Variants in NRXN3 observed in about 807,000 individuals in gnomAD.
The protein encoded by NRXN3 is neurexin III.
NRXN3 carries 32 observed loss-of-function variants against 137.6 expected under a neutral mutation model. The observed-to-expected ratio is 0.23, with a 90% CI of 0.18 to 0.31. The LOEUF is 0.31. NRXN3 is among the 10% of genes least tolerant of loss of function. The probability of loss-of-function intolerance (pLI) is 1.00; values close to 1 mark genes in which losing one functional copy is unlikely to be tolerated. For missense variants in NRXN3, 1,574 were observed against 2,062.5 expected, an observed-to-expected ratio of 0.76 and a Z score of 4.59; for synonymous variants, 798 against 784.5, an observed-to-expected ratio of 1.02 and a Z score of -0.29.
chr14:79,597,249 T>C (rs2097867304), intron 16 of NRXN3, among the ~76,000 whole-genome samples: 1 of 152,212 alleles, frequency 6.6e-6, no homozygotes, highest in Admixed American at 6.5e-5. Context: ...AAATTATTTT[T>C]CAGCCTTCTC....
chr14:79,859,631 A>T (rs918762468), intron 20 of NRXN3, among the ~76,000 whole-genome samples: 2 of 152,134 alleles, frequency 1.3e-5, no homozygotes, highest in Admixed American at 6.5e-5. Context: ...TTTGTTACTG[A>T]TGAGGTGGGT....
At chr14:78,271,942 C>T (rs1208334724) in intron 2 of NRXN3, among the ~76,000 whole-genome samples, 1 of 152,186 alleles carries the variant, frequency 6.6e-6, no homozygotes, top group Non-Finnish European at 1.5e-5. Flanking sequence ...AGGAAACAAC[C>T]TCCTCACTGC....
chr14:79,710,094 T>C (rs1006800495), intron 19 of NRXN3, among the ~76,000 whole-genome samples: 1 of 152,182 alleles, frequency 6.6e-6, no homozygotes, highest in Non-Finnish European at 1.5e-5. Flanking sequence ...ATTGTTGCTG[T>C]TGTTTTCCAT....
chr14:78,763,100 T>G (rs979111779), intron 8 of NRXN3, among the ~76,000 whole-genome samples: 1 of 152,184 alleles, frequency 6.6e-6, no homozygotes, highest in African/African-American at 2.4e-5. Flanking sequence ...ATGGCAAATT[T>G]TATGGAAATT....
At chr14:79,361,158 A>G (rs547689163) in intron 15 of NRXN3, among the ~76,000 whole-genome samples, 2 of 152,204 alleles carry the variant, frequency 1.3e-5, no homozygotes, top group Non-Finnish European at 2.9e-5. Flanking sequence ...AGTGGTAACA[A>G]CATTCTGGGA....
At position 78,903,137 on chromosome 14, in the gene NRXN3, G is replaced by A. The variant is rs990170096; in HGVS notation, c.2276-54105G>A. ...ATGTTCTGAGGAAATAAACAATGAA[G>A]TTTCATCTTCTTTTTTTTTTTTTTT... On this transcript the variant is annotated intron_variant, in intron 10 of 20. Transcript: ENST00000335750. 2.2e-5 allele frequency among the ~76,000 whole-genome samples: 3 copies of A among 134,184 alleles called. No individual in the cohort carries two copies. The East Asian group carries it at 7.2e-4, about 32-fold the overall frequency. 88.0% of individuals were successfully genotyped at this position (134,184 alleles called of 152,430 possible). A position where few individuals can be genotyped will look rare whatever the true frequency, so the allele number is the denominator to read the frequency against.
chr14:78,589,220 C>T (rs1441142530), intron 4 of NRXN3, among the ~76,000 whole-genome samples: 1 of 152,132 alleles, frequency 6.6e-6, no homozygotes, highest in Non-Finnish European at 1.5e-5. Flanking sequence ...GATACAGGAG[C>T]CCTCAAGAAG....
chr14:78,366,922 C>T (rs1176393380), intron 4 of NRXN3, among the ~76,000 whole-genome samples: 1 of 152,162 alleles, frequency 6.6e-6, no homozygotes, highest in Non-Finnish European at 1.5e-5. Context: ...AGAGTGAGCT[C>T]CTCAGCGTGG....
Position 78,739,558 on chromosome 14 carries a change from G to A in NRXN3, c.2044+24419G>A, listed in dbSNP as rs1318649770. On this transcript the variant is annotated intron_variant, in intron 8 of 20. Coordinates refer to ENST00000335750, the MANE Select transcript of NRXN3 (RefSeq NM_001330195.2). ...GCGATCTTGGCTCACTGAAACCTCCGCCTCCCGGGTTCAAGCGATTCTCCT... is the reference window on the plus strand; with the variant it reads ...GCGATCTTGGCTCACTGAAACCTCCACCTCCCGGGTTCAAGCGATTCTCCT... Among the ~76,000 whole-genome samples, 11 of 152,240 alleles carry A rather than the reference G, an allele frequency of 7.2e-5. No individual in the cohort carries two copies. In the South Asian group the frequency reaches 1.7e-3, roughly 23 times the overall value.
chr14:79,232,559 T>G (rs567368822), intron 15 of NRXN3, among the ~76,000 whole-genome samples: 23 of 152,306 alleles, frequency 1.5e-4, no homozygotes, highest in African/African-American at 5.5e-4. Flanking sequence ...GTACCATCTC[T>G]TCCTACAATT....
intron 15 of NRXN3, among the ~76,000 whole-genome samples, chr14:79,153,983 G>A (rs182880498): frequency 2.7e-4 from 41 of 152,090 alleles, no homozygotes; most frequent in Middle Eastern, 3.4e-3. Flanking sequence ...GCAGGGTCAC[G>A]CAGGATTAGT....
At chr14:78,708,006 C>T (rs559334947) in intron 6 of NRXN3, among the ~76,000 whole-genome samples, 1 of 152,310 alleles carries the variant, frequency 6.6e-6, no homozygotes, top group South Asian at 2.1e-4. Context: ...TGCTGCTATA[C>T]ACATGCCTGT....
intron 16 of NRXN3, among the ~76,000 whole-genome samples, chr14:79,585,718 A>G (rs1253027647): frequency 6.9e-6 from 1 of 145,802 alleles, no homozygotes; most frequent in Non-Finnish European, 1.5e-5. Context: ...ACCAACTTTG[A>G]TAAATAAAAT....
intron 8 of NRXN3, among the ~76,000 whole-genome samples, chr14:78,737,283 A>G (rs1368880499): frequency 6.6e-6 from 1 of 152,186 alleles, no homozygotes; most frequent in Non-Finnish European, 1.5e-5. Flanking sequence ...TGGGATTTGG[A>G]AGCTGAACTG....
chr14:78,218,526 G>C (rs1236519508), intron 1 of NRXN3, among the ~76,000 whole-genome samples: 1 of 152,186 alleles, frequency 6.6e-6, no homozygotes, highest in African/African-American at 2.4e-5. Flanking sequence ...TGGTTAGAAA[G>C]CATCTCCATT....
intron 19 of NRXN3, among the ~76,000 whole-genome samples, chr14:79,793,217 G>T (rs2099150802): frequency 6.6e-6 from 1 of 152,070 alleles, no homozygotes; most frequent in Non-Finnish European, 1.5e-5. Context: ...GGATCACGAG[G>T]TCAGGAGATC....
At chr14:79,162,049 A>G (rs1255681332) in intron 15 of NRXN3, among the ~76,000 whole-genome samples, 1 of 151,378 alleles carries the variant, frequency 6.6e-6, no homozygotes, top group African/African-American at 2.4e-5. Flanking sequence ...GGGTTTGAAT[A>G]GTCTTTCCAA....
chr14:78,807,466 T>G (rs2098879803), intron 9 of NRXN3, among the ~76,000 whole-genome samples: 1 of 152,064 alleles, frequency 6.6e-6, no homozygotes. Flanking sequence ...CACCTTAATC[T>G]AATTACAGAC....
chr14:79,209,314 A>T (rs1321964908), intron 15 of NRXN3, among the ~76,000 whole-genome samples: 1 of 121,784 alleles, frequency 8.2e-6, no homozygotes, highest in Non-Finnish European at 1.8e-5. Context: ...AGTCTTTATT[A>T]AAAAAAAAAA....
Sources: gnomAD v4.1 joint callset for allele counts (sites outside exome capture counted in the v4.1 genomes callset) on GRCh38, gnomAD v4.1.1 for gene constraint, MANE v1.5 for transcripts, NCBI Gene and HGNC (gene_info 2026-07-23, HGNC 2026-07-21) for gene names.